Variants in ZFP3 observed in about 807,000 individuals in gnomAD.
The protein encoded by ZFP3 is zinc finger protein 3 homolog.
A neutral mutation model predicts 36.7 loss-of-function variants in ZFP3; 18 were observed. The observed-to-expected ratio is 0.49, with a 90% CI of 0.34 to 0.73. The LOEUF (loss-of-function observed/expected upper bound fraction) is 0.73, where lower values mean the gene tolerates loss of function less well. Ranked by LOEUF, ZFP3 falls within the 30% of genes least tolerant of loss-of-function variation. ZFP3 has a pLI of 0.01. For synonymous variants in ZFP3, 218 were observed against 199.0 expected, an observed-to-expected ratio of 1.10 and a Z score of -0.81; for missense variants, 495 against 599.0, an observed-to-expected ratio of 0.83 and a Z score of 1.81.
intron 1 of ZFP3, among the ~76,000 whole-genome samples, chr17:5,090,015 G>A (rs2072141916): frequency 6.6e-6 from 1 of 152,076 alleles, no homozygotes; most frequent in African/African-American, 2.4e-5. Flanking sequence ...TAAGAGAGCT[G>A]ATTACAAAAT....
chr17:5,095,138 G>A lies in ZFP3; in HGVS notation c.*2125G>A, dbSNP rs1350526413. The A allele has an allele frequency of 6.0e-6, 1 of 167,066 alleles. No individual in the cohort carries two copies. Among genetic ancestry groups the A allele is most frequent in the Non-Finnish European group, 1.5e-5 (1 of 68,120 alleles). 10.3% of individuals were successfully genotyped at this position (167,066 alleles called of 1,614,324 possible). A position where few individuals can be genotyped will look rare whatever the true frequency, so the allele number is the denominator to read the frequency against. On this transcript the variant is annotated 3_prime_UTR_variant, in exon 2 of 2. Coordinates refer to ENST00000318833, the MANE Select transcript of ZFP3 (RefSeq NM_153018.3). ...AATTTAAATCATGTCCTTGGTAACA[G>A]AACTGATCACAGCCAAAAAAAATTC...
chr17:5,092,528 T>C lies in ZFP3; in HGVS notation c.1024T>C (p.Cys342Arg). ...TGDKPYECNE[C>R]GKTFGQNSEI... is the part of the protein sequence containing the mutation. The stretch of plus-strand genomic sequence containing the variant: ...GGACAAACCCTATGAATGTAATGAA[T>C]GTGGGAAAACTTTTGGCCAGAACTC... The change falls in exon 2 of 2, where the codon TGT becomes CGT. Residue 342 changes from cysteine to arginine, a missense_variant. Transcript: ENST00000318833. This position sits in a 1 kb window ranked among gnomAD's most constrained non-coding sequence, Gnocchi z 5.0. 1.2e-6 allele frequency: 2 copies of C among 1,614,146 alleles called. No individual in the cohort carries two copies. Among genetic ancestry groups the C allele is most frequent in the Non-Finnish European group, 1.7e-6 (2 of 1,180,028 alleles).
At position 5,078,991 on chromosome 17, in the gene ZFP3, T is replaced by C. The variant is rs987846582; in HGVS notation, c.-9+416T>C. On this transcript the variant is annotated intron_variant, in intron 1 of 1. Coordinates refer to ENST00000318833, the MANE Select transcript of ZFP3 (RefSeq NM_153018.3). This position sits in a 1 kb window ranked among gnomAD's most constrained non-coding sequence, Gnocchi z 4.5. ...GTGCCCTGTGCTGCCAGACAAGATA[T>C]TGGCTTATGAGGGGTGGTCGTGAAA... Among the ~76,000 whole-genome samples, 12 of 152,076 alleles carry C rather than the reference T, an allele frequency of 7.9e-5. No individual in the cohort carries two copies. The highest frequency in any genetic ancestry group is 1.6e-4 in the Non-Finnish European group (11 of 68,010).
chr17:5,092,802 AT>A lies in ZFP3; in HGVS notation c.1300del (p.Ser434LeufsTer113). 1 of 1,614,150 alleles carries A rather than the reference AT, an allele frequency of 6.2e-7. No individual in the cohort carries two copies. The highest frequency in any genetic ancestry group is 8.5e-7 in the Non-Finnish European group (1 of 1,180,032). ...GAGTGTGCAAGAACCTTTTGGGATA[AT>A]TCTGAGCTGCTTCTCCACCAGAAAA... ...CNECARTFWD[N>X]SELLLHQKIH... On this transcript the variant is annotated frameshift_variant, in exon 2 of 2. Coordinates refer to ENST00000318833, the MANE Select transcript of ZFP3 (RefSeq NM_153018.3). LOFTEE classifies it high-confidence loss of function. This position sits in a 1 kb window ranked among gnomAD's most constrained non-coding sequence, Gnocchi z 5.0.
chr17:5,083,479 C>G (rs1031110160), intron 1 of ZFP3, among the ~76,000 whole-genome samples: 20 of 151,830 alleles, frequency 1.3e-4, no homozygotes, highest in Non-Finnish European at 2.1e-4. Flanking sequence ...ATTGCTTGAA[C>G]CCGGAAGGTG....
chr17:5,094,838 GTT>G lies in ZFP3; in HGVS notation c.*1828_*1829del, dbSNP rs2072172005. On this transcript the variant is annotated 3_prime_UTR_variant, in exon 2 of 2. Coordinates refer to ENST00000318833, the MANE Select transcript of ZFP3 (RefSeq NM_153018.3). Reference sequence around the variant, plus strand: ...AATTTACGTACTATAAAATTCACCTGTTTTAAGTGTTCAGTTGAATGATTTTT... The same window carrying G: ...AATTTACGTACTATAAAATTCACCTGTTAAGTGTTCAGTTGAATGATTTTT... The G allele has an allele frequency of 6.0e-6, 1 of 167,006 alleles. No individual in the cohort carries two copies. The highest frequency in any genetic ancestry group is 1.5e-5 in the Non-Finnish European group (1 of 68,124). The allele number at this position is 167,006 out of a possible 1,614,324, so 10.3% of individuals were successfully genotyped here.
intron 1 of ZFP3, among the ~76,000 whole-genome samples, chr17:5,082,294 C>T (rs1343116601): frequency 6.6e-6 from 1 of 151,824 alleles, no homozygotes; most frequent in Non-Finnish European, 1.5e-5. Context: ...TTGCAGTGAG[C>T]CAAGATCACG....
chr17:5,085,178 T>C (rs1231133835), intron 1 of ZFP3, among the ~76,000 whole-genome samples: 1 of 152,046 alleles, frequency 6.6e-6, no homozygotes, highest in Admixed American at 6.6e-5. Context: ...TAACTGGGAC[T>C]ACAGGTGCAC....
Position 5,092,188 on chromosome 17 carries a change from A to G in ZFP3, c.684A>G (p.Glu228=). Reference sequence around the variant, plus strand: ...CTGGAGAGAGACCCTATAAATGTGAAGAATGTGGTAAAGCCTTCAGTCAAA... The same window carrying G: ...CTGGAGAGAGACCCTATAAATGTGAGGAATGTGGTAAAGCCTTCAGTCAAA... The part of the protein sequence containing the change: ...IHTGERPYKC[E]ECGKAFSQNS... The change falls in exon 2 of 2, where the codon GAA becomes GAG. Residue 228 remains glutamate (E), a synonymous_variant. Transcript: ENST00000318833. This position sits in a 1 kb window ranked among gnomAD's most constrained non-coding sequence, Gnocchi z 5.0. 1 of 1,614,108 alleles carries G rather than the reference A, an allele frequency of 6.2e-7. No individual in the cohort carries two copies. The highest frequency in any genetic ancestry group is 1.1e-5 in the South Asian group (1 of 91,078).
In ZFP3 at chr17:5,094,096, G is replaced by A. The variant is rs1397160905; in HGVS notation, c.*1083G>A. 1.8e-5 allele frequency: 3 copies of A among 167,342 alleles called. No homozygotes were observed. Among genetic ancestry groups the A allele is most frequent in the Admixed American group, 6.5e-5 (1 of 15,308 alleles). The allele number at this position is 167,342 out of a possible 1,614,324, so 10.4% of individuals were successfully genotyped here. A position where few individuals can be genotyped will look rare whatever the true frequency, so the allele number is the denominator to read the frequency against. ...TCAGTTCACCTGATGACAAACCAGG[G>A]TCTGGCCTTGCCAAAGCACTTAAGT... On this transcript the variant is annotated 3_prime_UTR_variant, in exon 2 of 2. Coordinates refer to ENST00000318833, the MANE Select transcript of ZFP3 (RefSeq NM_153018.3).
At chr17:5,091,465 G>A (rs766572503) in intron 1 of ZFP3, 32 bp from the exon 2 acceptor site, 2 of 1,589,514 alleles carry the variant, frequency 1.3e-6, no homozygotes, top group Admixed American at 3.5e-5. Flanking sequence ...ATATGATACG[G>A]TCCCTTCACA....
Position 5,095,615 on chromosome 17 carries a change from G to A in ZFP3, c.*2602G>A, listed in dbSNP as rs915576349. 1 of 166,890 alleles carries A rather than the reference G, an allele frequency of 6.0e-6. No homozygotes were observed. The highest frequency in any genetic ancestry group is 1.5e-5 in the Non-Finnish European group (1 of 68,104). The allele number at this position is 166,890 out of a possible 1,614,324, so 10.3% of individuals were successfully genotyped here. On this transcript the variant is annotated 3_prime_UTR_variant, in exon 2 of 2. Coordinates refer to ENST00000318833, the MANE Select transcript of ZFP3 (RefSeq NM_153018.3). The stretch of plus-strand genomic sequence containing the variant: ...CTGAAGATAGTGTGTAAGCAAAGGA[G>A]AAGAGTTCACATTGTGCATCCTATT...
intron 1 of ZFP3, among the ~76,000 whole-genome samples, chr17:5,079,726 C>G (rs1172122480): frequency 6.6e-6 from 1 of 151,782 alleles, no homozygotes; most frequent in Non-Finnish European, 1.5e-5. Context: ...TGCCTTAGAG[C>G]CTGGGGGTCA....
intron 1 of ZFP3, among the ~76,000 whole-genome samples, chr17:5,083,303 A>G (rs2072103392): frequency 6.6e-6 from 1 of 152,142 alleles, no homozygotes; most frequent in South Asian, 2.1e-4. Context: ...CATGCTTGTA[A>G]TCCCAGCACT....
intron 1 of ZFP3, among the ~76,000 whole-genome samples, chr17:5,082,436 T>C (rs890169866): frequency 2.1e-4 from 32 of 152,250 alleles, no homozygotes; most frequent in African/African-American, 7.5e-4. Context: ...CAGTGGAAAA[T>C]CCTCTAGCGT....
At chr17:5,083,317 G>C (rs1455606408) in intron 1 of ZFP3, among the ~76,000 whole-genome samples, 2 of 152,106 alleles carry the variant, frequency 1.3e-5, no homozygotes, top group East Asian at 1.9e-4. Context: ...CAGCACTTTG[G>C]GACGCCGAGG....
chr17:5,082,552 G>A (rs2072099653), intron 1 of ZFP3, among the ~76,000 whole-genome samples: 1 of 152,014 alleles, frequency 6.6e-6, no homozygotes. Context: ...TTGAGACAGG[G>A]TCTCTTATTC....
chr17:5,084,029 G>T (rs2072107821), intron 1 of ZFP3, among the ~76,000 whole-genome samples: 1 of 151,838 alleles, frequency 6.6e-6, no homozygotes, highest in African/African-American at 2.4e-5. Context: ...ATCATGCCCA[G>T]CCAATTTTTG....
chr17:5,092,814 T>G lies in ZFP3; in HGVS notation c.1310T>G (p.Leu437Arg), dbSNP rs1393607268. ...ACCTTTTGGGATAATTCTGAGCTGC[T>G]TCTCCACCAGAAAATTCATATTGGA... is the stretch of plus-strand genomic sequence containing the variant. ...ARTFWDNSEL[L>R]LHQKIHIGEK... The change falls in exon 2 of 2, where the codon CTT becomes CGT. Residue 437 changes from leucine (L) to arginine (R), a missense_variant. Coordinates refer to ENST00000318833, the MANE Select transcript of ZFP3 (RefSeq NM_153018.3). This position sits in a 1 kb window ranked among gnomAD's most constrained non-coding sequence, Gnocchi z 5.0. 2.5e-6 allele frequency: 4 copies of G among 1,614,076 alleles called. No individual in the cohort carries two copies. Among genetic ancestry groups the G allele is most frequent in the East Asian group, 2.2e-5 (1 of 44,904 alleles).
Sources: allele counts gnomAD v4.1 joint callset (sites outside exome capture counted in the v4.1 genomes callset), GRCh38; gene constraint gnomAD v4.1.1; non-coding constraint Gnocchi (gnomAD v3.1); transcripts MANE v1.5; gene names NCBI Gene and HGNC (gene_info 2026-07-23, HGNC 2026-07-21).